GC: variants seen among roughly 807,000 people sequenced by gnomAD.
GC encodes the protein vitamin D-binding protein.
GC carries 43 observed loss-of-function variants against 56.7 expected under a neutral mutation model. The ratio of observed to expected loss-of-function variants is 0.76; its 90% CI spans 0.59 to 0.98. The LOEUF is 0.98. Ranked by LOEUF, GC falls within the 50% of genes least tolerant of loss-of-function variation. The pLI is 0.00. For synonymous variants in GC, 216 were observed against 202.7 expected, an observed-to-expected ratio of 1.07 and a Z score of -0.56; for missense variants, 529 against 545.9, an observed-to-expected ratio of 0.97 and a Z score of 0.31.
chr4:71,753,054 A>G (rs1283837593), intron 10 of GC, among the ~76,000 whole-genome samples: 1 of 152,126 alleles, frequency 6.6e-6, no homozygotes, highest in African/African-American at 2.4e-5. Context: ...TAATTTATAT[A>G]ATTTCACCCT....
rs112889692 is a variant in GC, at chr4:71,742,075, A to G, written c.*26-205T>C. 1.0e-3 allele frequency among the ~76,000 whole-genome samples: 157 copies of G among 152,340 alleles called. 1 individual carries two copies. The highest frequency in any genetic ancestry group is 3.7e-3 in the African/African-American group (153 of 41,580). ...AAAATGTTAAGACAGTCCAAATACCAGTAGTGATGGCTTTATATGCCATAC... is the reference window on the plus strand; with the variant it reads ...AAAATGTTAAGACAGTCCAAATACCGGTAGTGATGGCTTTATATGCCATAC... On this transcript the variant is annotated intron_variant, in intron 12 of 12. Coordinates refer to ENST00000273951, the MANE Select transcript of GC (RefSeq NM_000583.4).
At chr4:71,775,980 T>C (rs1742495845) in intron 1 of GC, among the ~76,000 whole-genome samples, 1 of 151,930 alleles carries the variant, frequency 6.6e-6, no homozygotes, top group South Asian at 2.1e-4. Context: ...TTAGAATGGC[T>C]ATTGCCAGAA....
chr4:71,781,937 C>T (rs1274626744), intron 1 of GC, among the ~76,000 whole-genome samples: 1 of 151,560 alleles, frequency 6.6e-6, no homozygotes, highest in Non-Finnish European at 1.5e-5. Flanking sequence ...AGAATAGTTC[C>T]ACAGGTATAG....
chr4:71,768,750 C>T (rs900605307), intron 2 of GC, among the ~76,000 whole-genome samples: 2 of 152,198 alleles, frequency 1.3e-5, no homozygotes, highest in African/African-American at 2.4e-5. Flanking sequence ...AGGCGTGAGC[C>T]GCCGTGCCCG....
chr4:71,780,186 G>A (rs1196418675), intron 1 of GC, among the ~76,000 whole-genome samples: 1 of 152,034 alleles, frequency 6.6e-6, no homozygotes, highest in Non-Finnish European at 1.5e-5. Flanking sequence ...GCCATATGTA[G>A]AAAGCTGAAA....
upstream of GC, among the ~76,000 whole-genome samples, chr4:71,784,528 G>A (rs146616418): frequency 2.8e-3 from 422 of 151,810 alleles, 6 homozygotes; most frequent in Non-Finnish European, 4.6e-3. Flanking sequence ...TTGCAGACCA[G>A]ATGTTCTAAG....
chr4:71,796,387 G>A (rs2149310251), intron 1 of GC, among the ~76,000 whole-genome samples: 1 of 152,056 alleles, frequency 6.6e-6, no homozygotes, highest in South Asian at 2.1e-4. Context: ...CTCTTAATTT[G>A]TCTTTTCACT....
upstream of GC, among the ~76,000 whole-genome samples, chr4:71,804,532 T>G (rs888766296): frequency 9.2e-5 from 14 of 152,132 alleles, no homozygotes; most frequent in Admixed American, 8.5e-4. Context: ...GCAAAACTTA[T>G]CATATTCTGC....
At chr4:71,773,808 G>C (rs1352888877) in intron 1 of GC, among the ~76,000 whole-genome samples, 1 of 151,774 alleles carries the variant, frequency 6.6e-6, no homozygotes, top group Non-Finnish European at 1.5e-5. Flanking sequence ...GCTCTGTTGG[G>C]CATTTTATAT....
chr4:71,801,060 A>G (rs1011088801), intron 1 of GC, among the ~76,000 whole-genome samples: 1 of 152,212 alleles, frequency 6.6e-6, no homozygotes, highest in Non-Finnish European at 1.5e-5. Context: ...ACGGATTGAG[A>G]GAAAATATTT....
upstream of GC, among the ~76,000 whole-genome samples, chr4:71,788,194 C>T (rs991957156): frequency 8.4e-6 from 1 of 119,356 alleles, no homozygotes; most frequent in African/African-American, 2.5e-5. Context: ...TTCTGTAATT[C>T]GTTTATGCTC....
At chr4:71,768,753 C>T (rs1030411957) in intron 2 of GC, among the ~76,000 whole-genome samples, 4 of 152,204 alleles carry the variant, frequency 2.6e-5, no homozygotes, top group Non-Finnish European at 4.4e-5. Context: ...CGTGAGCCGC[C>T]GTGCCCGACC....
chr4:71,783,990 G>T lies in GC; in HGVS notation c.29C>A (p.Ala10Asp). Residue 10 changes from alanine (A) to aspartate (D), a missense_variant, in exon 1 of 13, where the codon GCT becomes GAT. Physicochemically the swap from Ala to Asp is moderately radical, Grantham distance 126. Transcript: ENST00000273951. ...CTCTAAAGCATGTCCAAATGCCACA[G>T]CAAGCAGTAGTACCAGGACCCTCTT... MKRVLVLLL[A>D]VAFGHALERG... is the part of the protein sequence containing the mutation. 1 of 1,602,032 alleles carries T rather than the reference G, an allele frequency of 6.2e-7. No individual in the cohort carries two copies. The highest frequency in any genetic ancestry group is 8.5e-7 in the Non-Finnish European group (1 of 1,173,032).
At chr4:71,755,821 C>T (rs1312560964) in intron 8 of GC, among the ~76,000 whole-genome samples, 1 of 152,040 alleles carries the variant, frequency 6.6e-6, no homozygotes, top group Admixed American at 6.6e-5. Context: ...TATGTCTTAC[C>T]CCACTGCTGT....
intron 6 of GC, among the ~76,000 whole-genome samples, chr4:71,758,505 T>G (rs540700701): frequency 5.9e-5 from 9 of 152,312 alleles, no homozygotes; most frequent in African/African-American, 1.9e-4. Flanking sequence ...AGGCCAATGT[T>G]GTATTTTTGT....
At chr4:71,781,904 C>A (rs967315995) in intron 1 of GC, among the ~76,000 whole-genome samples, 1 of 151,582 alleles carries the variant, frequency 6.6e-6, no homozygotes, top group Non-Finnish European at 1.5e-5. Context: ...TAACAGTATC[C>A]ATTTTAGACC....
At chr4:71,792,816 C>T (rs1191653906) in intron 1 of GC, among the ~76,000 whole-genome samples, 2 of 152,098 alleles carry the variant, frequency 1.3e-5, no homozygotes, top group Non-Finnish European at 2.9e-5. Context: ...AGCCTTTAAT[C>T]CATCTTGAAT....
At chr4:71,744,658 CAT>C (rs1360429591) in intron 12 of GC, among the ~76,000 whole-genome samples, 2 of 152,032 alleles carry the variant, frequency 1.3e-5, no homozygotes, top group Non-Finnish European at 2.9e-5. Context: ...CAGTGAAAAA[CAT>C]ATTCAAAATC....
At chr4:71,752,318 C>A (rs1026029112) in intron 11 of GC, among the ~76,000 whole-genome samples, 200 bp downstream of exon 11, 3 of 152,174 alleles carry the variant, frequency 2.0e-5, no homozygotes, top group African/African-American at 7.2e-5. Flanking sequence ...TTTACAACTA[C>A]CTCAACTTGC....
Sources: allele counts gnomAD v4.1 joint callset (sites outside exome capture counted in the v4.1 genomes callset), GRCh38; gene constraint gnomAD v4.1.1; transcripts MANE v1.5; gene names NCBI Gene and HGNC (gene_info 2026-07-23, HGNC 2026-07-21).